PCBP3: variants seen among roughly 807,000 people sequenced by gnomAD.
The protein encoded by PCBP3 is poly(rC)-binding protein 3.
A neutral mutation model predicts 52.7 loss-of-function variants in PCBP3; 25 were observed. The ratio of observed to expected loss-of-function variants is 0.47; its 90% CI spans 0.35 to 0.66. The LOEUF is 0.66. PCBP3 is among the 30% of genes least tolerant of loss of function. The probability of loss-of-function intolerance (pLI) is 0.01; values close to 1 mark genes in which losing one functional copy is unlikely to be tolerated. For missense variants in PCBP3, 391 were observed against 490.3 expected, an observed-to-expected ratio of 0.80 and a Z score of 1.91; for synonymous variants, 162 against 183.0, an observed-to-expected ratio of 0.89 and a Z score of 0.93.
chr21:45,711,080 C>T (rs2083800773), intron 2 of PCBP3, among the ~76,000 whole-genome samples: 1 of 152,124 alleles, frequency 6.6e-6, no homozygotes, highest in African/African-American at 2.4e-5. Flanking sequence ...GTATTTCCTG[C>T]CCTTGTGCTA....
At position 45,941,731 on chromosome 21, in the gene PCBP3, G is replaced by A. The variant is rs368314807; in HGVS notation, c.*25G>A. On this transcript the variant is annotated 3_prime_UTR_variant, in exon 18 of 18. Coordinates refer to ENST00000681687, the MANE Select transcript of PCBP3 (RefSeq NM_001384156.1). ...ATCCTACCCAGCACCCTTCCCCCGC[G>A]TCACCCACCTGCCAGAGCCTAAGGC... The A allele has an allele frequency of 4.5e-5, 72 of 1,591,994 alleles. No individual in the cohort carries two copies. The highest frequency in any genetic ancestry group is 2.8e-4 in the African/African-American group (21 of 74,084).
Position 45,884,645 on chromosome 21 carries a change from C to T in PCBP3, c.11-11563C>T, listed in dbSNP as rs150408975. Among the ~76,000 whole-genome samples the T allele has an allele frequency of 1.9e-3, 293 of 152,184 alleles. 2 individuals are homozygous for T. The highest frequency in any genetic ancestry group is 6.8e-3 in the African/African-American group (282 of 41,518). On this transcript the variant is annotated intron_variant, in intron 5 of 17. Transcript: ENST00000681687. Reference sequence around the variant, plus strand: ...ACACGATCATGGCTCACTGCAGCCTCGACTAACCAGGCTCCAGCCGTCCTC... The same window carrying T: ...ACACGATCATGGCTCACTGCAGCCTTGACTAACCAGGCTCCAGCCGTCCTC...
chr21:45,659,874 G>C (rs1261222366), intron 1 of PCBP3, among the ~76,000 whole-genome samples: 1 of 152,030 alleles, frequency 6.6e-6, no homozygotes, highest in South Asian at 2.1e-4. Context: ...CACCTGGTCT[G>C]TTCTAGAGAA....
At chr21:45,781,999 C>T (rs1390315936) in intron 4 of PCBP3, among the ~76,000 whole-genome samples, 3 of 152,110 alleles carry the variant, frequency 2.0e-5, no homozygotes, top group Non-Finnish European at 2.9e-5. Context: ...TCGTCAGTGC[C>T]GTTATGTGTA....
chr21:45,737,576 C>T lies in PCBP3; in HGVS notation c.-162+2147C>T, dbSNP rs2085977841. 6.6e-6 allele frequency among the ~76,000 whole-genome samples: 1 copy of T among 152,210 alleles called. No homozygotes were observed. Among genetic ancestry groups the T allele is most frequent in the South Asian group, 2.1e-4 (1 of 4,832 alleles). On this transcript the variant is annotated intron_variant, in intron 3 of 17. Coordinates refer to ENST00000681687, the MANE Select transcript of PCBP3 (RefSeq NM_001384156.1). This position sits in a 1 kb window ranked among gnomAD's most constrained non-coding sequence, Gnocchi z 4.9. ...CTGGGGTGGGGCGAGCCCGACCATG[C>T]AAGCCATGCCCCGGCAGCCAGGCTG...
At chr21:45,908,006 T>C (rs1888538) in intron 9 of PCBP3, among the ~76,000 whole-genome samples, 86,454 of 152,040 alleles carry the variant, frequency 0.57, 26,435 homozygotes, top group East Asian at 0.84. Context: ...GAGAAGTTCA[T>C]TTGAAGGCCT....
intron 4 of PCBP3, among the ~76,000 whole-genome samples, chr21:45,810,245 T>TGTGTGTGTGC (rs1555949747): frequency 3.3e-5 from 5 of 149,608 alleles, no homozygotes; most frequent in Admixed American, 2.7e-4. Context: ...TGTGTGTGTG[T>TGTGTGTGTGC]GAGAGAGTGT....
At chr21:45,655,133 G>GT (rs2146928020) in intron 1 of PCBP3, among the ~76,000 whole-genome samples, 2 of 152,120 alleles carry the variant, frequency 1.3e-5, no homozygotes, top group Non-Finnish European at 2.9e-5. Context: ...CATTTCGGTT[G>GT]TTTTTTGGCT....
intron 17 of PCBP3, 125 bp from the exon 18 acceptor site, chr21:45,941,545 C>T (rs914409074): frequency 8.4e-5 from 67 of 797,130 alleles, no homozygotes; most frequent in Middle Eastern, 4.8e-4. Flanking sequence ...CTCAGGACCT[C>T]CTGAGCTGAC....
At chr21:45,755,879 C>T (rs535626076) in intron 4 of PCBP3, among the ~76,000 whole-genome samples, 4 of 151,804 alleles carry the variant, frequency 2.6e-5, no homozygotes, top group African/African-American at 9.7e-5. Flanking sequence ...TAAAGTATGC[C>T]TTGAATTTTT....
chr21:45,772,955 C>T (rs185722544), intron 4 of PCBP3, among the ~76,000 whole-genome samples: 1 of 151,682 alleles, frequency 6.6e-6, no homozygotes, highest in Non-Finnish European at 1.5e-5. Flanking sequence ...TGATTGAGTT[C>T]CCTTTATATT....
At chr21:45,670,663 G>T (rs79349309) in intron 2 of PCBP3, among the ~76,000 whole-genome samples, 351 of 152,236 alleles carry the variant, frequency 2.3e-3, no homozygotes, top group African/African-American at 7.6e-3. Context: ...TACCTTGAGG[G>T]GTTAGCCCTT....
intron 5 of PCBP3, among the ~76,000 whole-genome samples, chr21:45,854,330 A>G (rs1027863304): frequency 1.3e-5 from 2 of 152,158 alleles, no homozygotes; most frequent in Non-Finnish European, 1.5e-5. Flanking sequence ...TTTAGCATAC[A>G]GTTCAGGGAT....
chr21:45,653,526 T>C (rs2079820266), intron 1 of PCBP3, among the ~76,000 whole-genome samples: 1 of 152,180 alleles, frequency 6.6e-6, no homozygotes, highest in African/African-American at 2.4e-5. Flanking sequence ...ATGGTATGTC[T>C]GATGTTAATA....
chr21:45,847,042 T>C (rs539424959), intron 4 of PCBP3, among the ~76,000 whole-genome samples: 14 of 152,238 alleles, frequency 9.2e-5, no homozygotes, highest in Non-Finnish European at 1.8e-4. Context: ...ATTTAATGTG[T>C]GTGTTGTGTT....
chr21:45,756,056 T>A (rs889285163), intron 4 of PCBP3, among the ~76,000 whole-genome samples: 5 of 152,200 alleles, frequency 3.3e-5, no homozygotes, highest in African/African-American at 1.2e-4. Flanking sequence ...TAGTTTTAGG[T>A]CTTTAAATTA....
At chr21:45,742,839 C>T (rs1206859367) in intron 3 of PCBP3, among the ~76,000 whole-genome samples, 2 of 151,986 alleles carry the variant, frequency 1.3e-5, no homozygotes. Context: ...TTTAGTTTCA[C>T]GATATATTTC....
At chr21:45,864,050 G>A (rs753410717) in intron 5 of PCBP3, among the ~76,000 whole-genome samples, 4 of 152,138 alleles carry the variant, frequency 2.6e-5, no homozygotes, top group South Asian at 4.1e-4. Context: ...TTTACTAGTC[G>A]AGTGTTATTA....
rs779788726 is a variant in PCBP3, at chr21:45,899,560, C to G, written c.166-39C>G. ...CCTCCAGTGTTTTCCTCCTCCTGCTCTATGACATCATCTTTCTGTGATTTT... is the reference window on the plus strand; with the variant it reads ...CCTCCAGTGTTTTCCTCCTCCTGCTGTATGACATCATCTTTCTGTGATTTT... On this transcript the variant is annotated intron_variant, in intron 6 of 17. Coordinates refer to ENST00000681687, the MANE Select transcript of PCBP3 (RefSeq NM_001384156.1). 3 of 1,580,628 alleles carry G rather than the reference C, an allele frequency of 1.9e-6. No individual in the cohort carries two copies. The African/African-American group carries it at 4.0e-5, about 21-fold the overall frequency.
Sources: gnomAD v4.1 joint callset for allele counts (sites outside exome capture counted in the v4.1 genomes callset) on GRCh38, gnomAD v4.1.1 for gene constraint, Gnocchi (gnomAD v3.1) non-coding constraint, MANE v1.5 for transcripts, NCBI Gene and HGNC (gene_info 2026-07-23, HGNC 2026-07-21) for gene names.